The following NPAS3 variants were observed in gnomAD, a reference collection of about 807,000 sequenced individuals.
The protein encoded by NPAS3 is neuronal PAS domain-containing protein 3.
NPAS3 carries 14 observed loss-of-function variants against 73.1 expected under a neutral mutation model. The observed-to-expected ratio is 0.19, with a 90% CI of 0.13 to 0.30. The LOEUF (loss-of-function observed/expected upper bound fraction) is 0.30. Ranked by LOEUF, NPAS3 falls within the 10% of genes least tolerant of loss-of-function variation. The pLI is 1.00. For synonymous variants in NPAS3, 620 were observed against 541.5 expected, an observed-to-expected ratio of 1.14 and a Z score of -2.01; for missense variants, 1,096 against 1,250.0, an observed-to-expected ratio of 0.88 and a Z score of 1.86.
intron 4 of NPAS3, among the ~76,000 whole-genome samples, chr14:33,455,209 T>C (rs1332004727): frequency 6.6e-6 from 1 of 152,234 alleles, no homozygotes; most frequent in East Asian, 1.9e-4. Context: ...GTTTACATTT[T>C]AAAGCATTGA....
intron 2 of NPAS3, among the ~76,000 whole-genome samples, chr14:33,060,329 C>G (rs77162853): frequency 6.6e-6 from 1 of 152,182 alleles, no homozygotes; most frequent in African/African-American, 2.4e-5. Context: ...TCCGTTCACC[C>G]GTATTTAGAA....
At chr14:33,143,126 C>T (rs2044114780) in intron 2 of NPAS3, among the ~76,000 whole-genome samples, 1 of 151,166 alleles carries the variant, frequency 6.6e-6, no homozygotes, top group East Asian at 2.0e-4. Context: ...AAAGAAATAC[C>T]TCTTAAATCT....
At chr14:33,646,015 A>G (rs1227152602) in intron 5 of NPAS3, among the ~76,000 whole-genome samples, 1 of 152,196 alleles carries the variant, frequency 6.6e-6, no homozygotes, top group African/African-American at 2.4e-5. Flanking sequence ...AAAGATAATT[A>G]TATATGTGCT....
intron 1 of NPAS3, among the ~76,000 whole-genome samples, chr14:33,052,486 T>A (rs1264888414): frequency 6.6e-6 from 1 of 152,206 alleles, no homozygotes; most frequent in Non-Finnish European, 1.5e-5. Context: ...AAACAATACA[T>A]TAAGAAAAAA....
chr14:33,211,962 A>C (rs1282940163), intron 2 of NPAS3, among the ~76,000 whole-genome samples: 2 of 152,212 alleles, frequency 1.3e-5, no homozygotes, highest in African/African-American at 2.4e-5. Context: ...TCTGCACTAT[A>C]ACATTTTACT....
intron 3 of NPAS3, among the ~76,000 whole-genome samples, chr14:33,276,480 G>T (rs2041340126): frequency 6.6e-6 from 1 of 152,028 alleles, no homozygotes; most frequent in African/African-American, 2.4e-5. Context: ...TTTAATAATG[G>T]TGTCCCAGTT....
At chr14:33,563,539 G>C (rs3058445) in intron 5 of NPAS3, among the ~76,000 whole-genome samples, 60,933 of 102,890 alleles carry the variant, frequency 0.59, 14,147 homozygotes, top group East Asian at 0.66. Context: ...CACACACACA[G>C]AGAGAGAGAG....
intron 2 of NPAS3, among the ~76,000 whole-genome samples, chr14:33,173,102 T>C (rs1380859333): frequency 2.0e-5 from 3 of 152,228 alleles, no homozygotes; most frequent in Non-Finnish European, 4.4e-5. Flanking sequence ...TATATGTTGC[T>C]GTAATTTCAA....
At chr14:33,648,167 A>G (rs1484952374) in intron 5 of NPAS3, among the ~76,000 whole-genome samples, 1 of 152,196 alleles carries the variant, frequency 6.6e-6, no homozygotes, top group East Asian at 1.9e-4. Context: ...TGAACCCACC[A>G]GGAAGCAAAG....
intron 2 of NPAS3, among the ~76,000 whole-genome samples, chr14:33,080,608 C>T (rs1288053058): frequency 6.6e-6 from 1 of 152,098 alleles, no homozygotes; most frequent in African/African-American, 2.4e-5. Flanking sequence ...CTGAGTTCAC[C>T]TCAGATGTTT....
At chr14:33,439,842 G>A (rs72680158) in intron 4 of NPAS3, among the ~76,000 whole-genome samples, 13,665 of 152,166 alleles carry the variant, frequency 0.09, 708 homozygotes, top group Admixed American at 0.14. Context: ...ACGGCTGGGC[G>A]TGGTGGCTCA....
chr14:33,184,287 G>A lies in NPAS3; in HGVS notation c.141-30895G>A, dbSNP rs186472722. Among the ~76,000 whole-genome samples the A allele has an allele frequency of 3.0e-3, 450 of 152,236 alleles. 2 individuals are homozygous for A. The highest frequency in any genetic ancestry group is 0.01 in the African/African-American group (428 of 41,546). ...GGTCTTATTTTGGAAAGGGGGAAGC[G>A]GCAGAGGGAGATGATGCTAGCAGGA... is the stretch of plus-strand genomic sequence containing the variant. On this transcript the variant is annotated intron_variant, in intron 2 of 11. Coordinates refer to ENST00000356141, the Ensembl canonical transcript of NPAS3.
chr14:33,210,439 A>G (rs1486385971), intron 2 of NPAS3, among the ~76,000 whole-genome samples: 1 of 152,212 alleles, frequency 6.6e-6, no homozygotes, highest in Admixed American at 6.5e-5. Flanking sequence ...GCCCCCAAAA[A>G]TAGAAGTTGA....
chr14:33,602,674 T>C lies in NPAS3; in HGVS notation c.558+42464T>C, dbSNP rs190003047. Among the ~76,000 whole-genome samples the C allele has an allele frequency of 2.8e-3, 433 of 152,266 alleles. 6 individuals carry two copies. Among genetic ancestry groups the C allele is most frequent in the Non-Finnish European group, 1.5e-3 (104 of 68,024 alleles). ...AATGGCATTATGGGTTTGTTGGTGG[T>C]GGTGGTGGTTTGTTTTTGTTTTGTT... On this transcript the variant is annotated intron_variant, in intron 5 of 11. Transcript: ENST00000356141.
chr14:33,704,183 TAAAG>T (rs1271378924), intron 6 of NPAS3, among the ~76,000 whole-genome samples: 1 of 152,194 alleles, frequency 6.6e-6, no homozygotes, highest in East Asian at 1.9e-4. Flanking sequence ...TTTTTAGGAA[TAAAG>T]AATGAAGTCA....
chr14:33,472,187 A>G (rs918895931), intron 4 of NPAS3, among the ~76,000 whole-genome samples: 2 of 152,224 alleles, frequency 1.3e-5, no homozygotes, highest in African/African-American at 4.8e-5. Context: ...TGACATTTTA[A>G]TAGAGACCTG....
chr14:33,441,273 C>T (rs2049235785), intron 4 of NPAS3, among the ~76,000 whole-genome samples: 1 of 152,194 alleles, frequency 6.6e-6, no homozygotes, highest in Non-Finnish European at 1.5e-5. Context: ...TTATTAATTA[C>T]ATCACCTTTC....
intron 4 of NPAS3, among the ~76,000 whole-genome samples, chr14:33,421,771 T>C (rs1442366381): frequency 6.6e-6 from 1 of 151,916 alleles, no homozygotes; most frequent in African/African-American, 2.4e-5. Flanking sequence ...TGTTAATGAA[T>C]AAATTTAGAG....
intron 3 of NPAS3, among the ~76,000 whole-genome samples, chr14:33,237,249 A>C (rs763125489): frequency 6.6e-6 from 1 of 152,018 alleles, no homozygotes; most frequent in Non-Finnish European, 1.5e-5. Context: ...CATCATGCTC[A>C]TTGATGTAAT....
Sources: allele counts gnomAD v4.1 joint callset (sites outside exome capture counted in the v4.1 genomes callset), GRCh38; gene constraint gnomAD v4.1.1; transcripts MANE v1.5; gene names NCBI Gene and HGNC (gene_info 2026-07-23, HGNC 2026-07-21).